Variants in ERC2 observed in about 807,000 individuals in gnomAD.
The protein encoded by ERC2 is ELKS/RAB6-interacting/CAST family member 2.
A neutral mutation model predicts 114.8 loss-of-function variants in ERC2; 42 were observed. The ratio of observed to expected loss-of-function variants is 0.37; its 90% CI spans 0.29 to 0.47. The LOEUF (loss-of-function observed/expected upper bound fraction) is 0.47. Ranked by LOEUF, ERC2 falls within the 20% of genes least tolerant of loss-of-function variation. The pLI is 0.99. For missense variants in ERC2, 939 were observed against 1,150.7 expected, an observed-to-expected ratio of 0.82 and a Z score of 2.66; for synonymous variants, 454 against 425.5, an observed-to-expected ratio of 1.07 and a Z score of -0.82.
chr3:55,511,502 C>G (rs1450836804), intron 17 of ERC2, among the ~76,000 whole-genome samples: 2 of 152,076 alleles, frequency 1.3e-5, no homozygotes, highest in African/African-American at 2.4e-5. Flanking sequence ...TGAGAAGAGG[C>G]CTCTTTCAAA....
chr3:56,432,499 G>C (rs2061836363), intron 2 of ERC2, among the ~76,000 whole-genome samples: 1 of 152,226 alleles, frequency 6.6e-6, no homozygotes, highest in African/African-American at 2.4e-5. Context: ...CATCATTTTA[G>C]AGTGAAGAAC....
At chr3:56,441,961 C>T (rs1248424648) in intron 1 of ERC2, among the ~76,000 whole-genome samples, 1 of 152,134 alleles carries the variant, frequency 6.6e-6, no homozygotes, top group Non-Finnish European at 1.5e-5. Context: ...AAGCTTCAGC[C>T]CAGGAGTTCA....
chr3:56,440,328 G>A (rs1403379379), intron 1 of ERC2, among the ~76,000 whole-genome samples: 2 of 152,186 alleles, frequency 1.3e-5, no homozygotes, highest in African/African-American at 4.8e-5. Context: ...TGGATCACGA[G>A]GTCAGGAGAT....
intron 6 of ERC2, among the ~76,000 whole-genome samples, chr3:56,092,832 T>C (rs539985477): frequency 5.4e-4 from 82 of 152,322 alleles, no homozygotes; most frequent in African/African-American, 1.9e-3. Context: ...CATATTGTGC[T>C]TTCCCTTCAG....
At chr3:55,802,534 C>T (rs2059341117) in intron 14 of ERC2, among the ~76,000 whole-genome samples, 1 of 152,110 alleles carries the variant, frequency 6.6e-6, no homozygotes, top group Non-Finnish European at 1.5e-5. Flanking sequence ...TAAAATAGAA[C>T]AAGCATCATA....
At chr3:56,364,546 C>T (rs2059080691) in intron 2 of ERC2, among the ~76,000 whole-genome samples, 1 of 152,154 alleles carries the variant, frequency 6.6e-6, no homozygotes, top group Non-Finnish European at 1.5e-5. Flanking sequence ...ACATACAATA[C>T]TAATGTAGGA....
At chr3:56,146,715 T>C (rs535064496) in intron 5 of ERC2, among the ~76,000 whole-genome samples, 95 of 152,252 alleles carry the variant, frequency 6.2e-4, no homozygotes, top group African/African-American at 2.2e-3. Flanking sequence ...TAGAAGAATG[T>C]GTGGTCAAGT....
At chr3:55,821,491 G>A (rs1381814430) in intron 14 of ERC2, among the ~76,000 whole-genome samples, 1 of 152,142 alleles carries the variant, frequency 6.6e-6, no homozygotes, top group East Asian at 1.9e-4. Context: ...TTTTATTGAA[G>A]CACACTTTAC....
intron 3 of ERC2, among the ~76,000 whole-genome samples, chr3:56,202,647 G>T (rs2048474784): frequency 6.6e-6 from 1 of 151,926 alleles, no homozygotes; most frequent in Non-Finnish European, 1.5e-5. Flanking sequence ...AGGAAATCCT[G>T]TCATTTGCAA....
At chr3:56,375,168 A>G (rs2150601416) in intron 2 of ERC2, among the ~76,000 whole-genome samples, 1 of 152,278 alleles carries the variant, frequency 6.6e-6, no homozygotes, top group African/African-American at 2.4e-5. Flanking sequence ...TCTAGGAAAA[A>G]GTCTCCAAAC....
At chr3:55,586,490 C>T (rs1011419571) in intron 17 of ERC2, among the ~76,000 whole-genome samples, 14 of 152,340 alleles carry the variant, frequency 9.2e-5, no homozygotes, top group African/African-American at 2.6e-4. Flanking sequence ...AACTAGTCAT[C>T]GAGTTGGTGA....
At chr3:56,321,583 T>C (rs1439234166) in intron 2 of ERC2, among the ~76,000 whole-genome samples, 1 of 152,174 alleles carries the variant, frequency 6.6e-6, no homozygotes, top group South Asian at 2.1e-4. Flanking sequence ...AAGAAAATAT[T>C]TGATTGGTTA....
At chr3:55,809,644 A>G (rs1430625663) in intron 14 of ERC2, among the ~76,000 whole-genome samples, 1 of 152,214 alleles carries the variant, frequency 6.6e-6, no homozygotes, top group Non-Finnish European at 1.5e-5. Context: ...GACAAAGAAC[A>G]TAAAAGGATA....
At chr3:55,544,066 C>A (rs551432933) in intron 17 of ERC2, among the ~76,000 whole-genome samples, 17 of 152,318 alleles carry the variant, frequency 1.1e-4, no homozygotes, top group Admixed American at 7.2e-4. Flanking sequence ...CAGCATGGGA[C>A]TAAGCAAGGC....
chr3:55,741,291 T>A (rs2065949136), intron 14 of ERC2, among the ~76,000 whole-genome samples: 1 of 151,656 alleles, frequency 6.6e-6, no homozygotes, highest in South Asian at 2.1e-4. Context: ...ACATTAAATA[T>A]CCTTGCTTTT....
At chr3:56,295,909 A>G (rs182289344) in intron 3 of ERC2, 110 bp downstream of exon 3, 3 of 1,231,290 alleles carry the variant, frequency 2.4e-6, no homozygotes, top group Non-Finnish European at 3.3e-6. Context: ...AGCAGATGAC[A>G]AAGGGAATTT....
chr3:56,168,793 C>G (rs2150010393), intron 4 of ERC2, among the ~76,000 whole-genome samples: 1 of 152,272 alleles, frequency 6.6e-6, no homozygotes, highest in African/African-American at 2.4e-5. Context: ...AGTTATCTGC[C>G]TGGGCACAAA....
At chr3:55,952,503 G>A (rs746531321) in intron 12 of ERC2, among the ~76,000 whole-genome samples, 10 of 151,954 alleles carry the variant, frequency 6.6e-5, no homozygotes, top group African/African-American at 9.7e-5. Context: ...ATTGAATGAG[G>A]ACACAGTATT....
intron 2 of ERC2, among the ~76,000 whole-genome samples, chr3:56,351,642 T>A (rs1309516289): frequency 1.3e-5 from 2 of 152,154 alleles, no homozygotes; most frequent in East Asian, 3.9e-4. Flanking sequence ...AGGTTCACAC[T>A]CAGAAAGGCA....
Sources: gnomAD v4.1 joint callset for allele counts (sites outside exome capture counted in the v4.1 genomes callset) on GRCh38, gnomAD v4.1.1 for gene constraint, MANE v1.5 for transcripts, NCBI Gene and HGNC (gene_info 2026-07-23, HGNC 2026-07-21) for gene names.